The following SF3B2 variants were observed in gnomAD, a reference collection of about 807,000 sequenced individuals.
The protein encoded by SF3B2 is SAP 145.
In SF3B2, 22 loss-of-function variants were observed where a neutral mutation model predicts 116.3. The ratio of observed to expected loss-of-function variants is 0.19; its 90% CI spans 0.14 to 0.27. The LOEUF is 0.27. Ranked by LOEUF, SF3B2 falls within the 10% of genes least tolerant of loss-of-function variation. SF3B2 has a pLI of 1.00. For missense variants in SF3B2, 767 were observed against 1,151.4 expected, an observed-to-expected ratio of 0.67 and a Z score of 4.83; for synonymous variants, 406 against 421.6, an observed-to-expected ratio of 0.96 and a Z score of 0.45.
chr11:66,063,452 C>A lies in SF3B2; in HGVS notation c.2138C>A (p.Pro713Gln). The change falls in exon 18 of 22, where the codon CCA becomes CAA. Residue 713 changes from proline to glutamine, a missense_variant. Pro to Gln is a moderately conservative substitution (Grantham distance 76). Transcript: ENST00000322535. Reference sequence around the variant, plus strand: ...CGGACCCCTTGGGGGGAACTGGAACCATCTGATGAAGAATCCTCAGAAGAA... The same window carrying A: ...CGGACCCCTTGGGGGGAACTGGAACAATCTGATGAAGAATCCTCAGAAGAA... Reference protein sequence around the residue: ...IDRTPWGELEPSDEESSEEEE... With the variant: ...IDRTPWGELEQSDEESSEEEE... 6.2e-7 allele frequency: 1 copy of A among 1,614,120 alleles called. No homozygotes were observed. The highest frequency in any genetic ancestry group is 2.2e-5 in the East Asian group (1 of 44,896).
Position 66,052,501 on chromosome 11 carries a change from C to T in SF3B2, c.117C>T (p.Ile39=), listed in dbSNP as rs1442793941. ...AGCTTCAGGCCAAGTTGGCAGAGAT[C>T]GGAGCTCCGATCCAGGGTGAGGAAC... ...AQELQAKLAE[I]GAPIQGNREE... Residue 39 remains isoleucine (I), a synonymous_variant, in exon 1 of 22, where the codon ATC becomes ATT. Transcript: ENST00000322535. 5 of 1,613,554 alleles carry T rather than the reference C, an allele frequency of 3.1e-6. No homozygotes were observed. The highest frequency in any genetic ancestry group is 1.1e-5 in the South Asian group (1 of 91,064).
Position 66,059,187 on chromosome 11 carries a change from G to T in SF3B2, c.1183-14G>T. On this transcript the variant is annotated splice_polypyrimidine_tract_variant and intron_variant, in intron 10 of 21. Coordinates refer to ENST00000322535, the MANE Select transcript of SF3B2 (RefSeq NM_006842.3). The surrounding 1 kb of genome is among the most constrained non-coding windows in gnomAD (Gnocchi z 5.0). ...GCTCAGAGGGCAGGGGTTTCACCTT[G>T]TCTGCCTCCTTAGCTCACTGATGAT... 6.2e-7 allele frequency: 1 copy of T among 1,614,096 alleles called. No homozygotes were observed. Among genetic ancestry groups the T allele is most frequent in the South Asian group, 1.1e-5 (1 of 91,082 alleles).
chr11:66,052,405 G>C lies in SF3B2; in HGVS notation c.21G>C (p.Glu7Asp), dbSNP rs750805181. MATEHP[E>D]PPKAELQLPP... ...CTAAGATGGCGACGGAGCATCCCGA[G>C]CCTCCCAAAGCAGAATTGCAGCTGC... The change falls in exon 1 of 22, where the codon GAG becomes GAC. Residue 7 changes from glutamate to aspartate, a missense_variant. Transcript: ENST00000322535. 6.2e-7 allele frequency: 1 copy of C among 1,612,128 alleles called. No individual in the cohort carries two copies. Among genetic ancestry groups the C allele is most frequent in the South Asian group, 1.1e-5 (1 of 90,990 alleles).
chr11:66,052,908 G>T lies in SF3B2; in HGVS notation c.181-119G>T, dbSNP rs1856911616. 4.6e-5 allele frequency: 58 copies of T among 1,266,114 alleles called. No individual in the cohort carries two copies. In the South Asian group the frequency reaches 5.7e-4, roughly 12 times the overall value. The allele number at this position is 1,266,114 out of a possible 1,614,324, so 78.4% of individuals were successfully genotyped here. On this transcript the variant is annotated intron_variant, in intron 2 of 21. Coordinates refer to ENST00000322535, the MANE Select transcript of SF3B2 (RefSeq NM_006842.3). Reference sequence around the variant, plus strand: ...TGTATCCATCTTGGTCCTCTTCAGTGCCCAGCCAGAGCGCTGGCAGACAGG... The same window carrying T: ...TGTATCCATCTTGGTCCTCTTCAGTTCCCAGCCAGAGCGCTGGCAGACAGG...
At chr11:66,057,152 G>A (rs1302445541) in intron 6 of SF3B2, 114 bp from the exon 7 acceptor site, 5 of 883,052 alleles carry the variant, frequency 5.7e-6, no homozygotes, top group African/African-American at 3.3e-5. Context: ...CAAAAGCCAC[G>A]CCACGTGCCC....
rs957881657 is a variant in SF3B2 at position 66,052,504 on chromosome 11, A to C, written c.120A>C (p.Gly40=). ...QELQAKLAEI[G]APIQGNREEL... is the part of the protein sequence containing the mutation. ...TTCAGGCCAAGTTGGCAGAGATCGG[A>C]GCTCCGATCCAGGGTGAGGAACACA... Residue 40 remains glycine (G), a synonymous_variant, in exon 1 of 22, where the codon GGA becomes GGC. Transcript: ENST00000322535. The C allele has an allele frequency of 5.6e-6, 9 of 1,613,436 alleles. No individual in the cohort carries two copies. The highest frequency in any genetic ancestry group is 7.6e-6 in the Non-Finnish European group (9 of 1,179,622).
Position 66,052,442 on chromosome 11 carries a change from C to T in SF3B2, c.58C>T (p.Pro20Ser). The change falls in exon 1 of 22, where the codon CCT (proline) becomes TCT (serine). Residue 20 changes from proline (P) to serine (S), a missense_variant. By Grantham distance (74) the Pro-to-Ser change is moderately conservative (BLOSUM62 -1). Around this residue, in one of 4 missense-constraint regions of SF3B2, gnomAD observed 455 missense variants for 537.5 expected, o/e 0.85. Coordinates refer to ENST00000322535, the MANE Select transcript of SF3B2 (RefSeq NM_006842.3). ...AGAATTGCAGCTGCCGCCGCCGCCA[C>T]CTCCAGGCCACTATGGCGCCTGGGC... The part of the protein sequence containing the change: ...KAELQLPPPP[P>S]PGHYGAWAAQ... The T allele has an allele frequency of 1.9e-5, 30 of 1,613,626 alleles. No homozygotes were observed. Among genetic ancestry groups the T allele is most frequent in the Non-Finnish European group, 2.5e-5 (29 of 1,179,918 alleles).
chr11:66,053,401 G>A (rs985451985), intron 3 of SF3B2: 10 of 428,794 alleles, frequency 2.3e-5, no homozygotes, highest in South Asian at 2.2e-4. Context: ...GCTTGTGGCC[G>A]GGTGCAGTGG....
chr11:66,067,529 C>G (rs1232145194), intron 19 of SF3B2: 2 of 456,730 alleles, frequency 4.4e-6, no homozygotes, highest in Admixed American at 4.7e-5. Flanking sequence ...ATGGCTCTTG[C>G]GTTGGAAGGC....
chr11:66,064,052 A>G (rs796602750), intron 19 of SF3B2, among the ~76,000 whole-genome samples: 1 of 152,240 alleles, frequency 6.6e-6, no homozygotes, highest in Non-Finnish European at 1.5e-5. Context: ...CCACAGGATC[A>G]TCTGGGTCAG....
chr11:66,066,676 G>A (rs1773729254), intron 19 of SF3B2: 1 of 152,250 alleles, frequency 6.6e-6, no homozygotes, highest in African/African-American at 2.4e-5. Flanking sequence ...TGTGAATCAG[G>A]AGGTTTTTCC....
Position 66,061,878 on chromosome 11 carries a change from C to G in SF3B2, c.1870-13C>G, listed in dbSNP as rs766994670. ...GGTTTGGCAGATGGTATCCTGTTCT[C>G]TTTTTCCTGCAGAATGCCCACAAGG... On this transcript the variant is annotated splice_polypyrimidine_tract_variant and intron_variant, in intron 15 of 21. Coordinates refer to ENST00000322535, the MANE Select transcript of SF3B2 (RefSeq NM_006842.3). 59 of 1,611,388 alleles carry G rather than the reference C, an allele frequency of 3.7e-5. No homozygotes were observed. The highest frequency in any genetic ancestry group is 5.0e-5 in the Non-Finnish European group (59 of 1,177,850).
At chr11:66,062,885 C>A in intron 16 of SF3B2, 124 bp from the exon 17 acceptor site, 1 of 525,368 alleles carries the variant, frequency 1.9e-6, no homozygotes, top group Non-Finnish European at 3.3e-6. Context: ...TGATTTAATT[C>A]TGCAGTCATA....
In SF3B2 at chr11:66,063,127, T is replaced by C. The variant is rs1007867195; in HGVS notation, c.2085+11T>C. The C allele has an allele frequency of 6.3e-7, 1 of 1,585,068 alleles. No individual in the cohort carries two copies. Among genetic ancestry groups the C allele is most frequent in the Non-Finnish European group, 8.6e-7 (1 of 1,156,258 alleles). ...GCTGCTGAATTTCAGGTATGGGCCATGTACTAGCGATCTTGGTTTTACTTA... is the reference window on the plus strand; with the variant it reads ...GCTGCTGAATTTCAGGTATGGGCCACGTACTAGCGATCTTGGTTTTACTTA... On this transcript the variant is annotated intron_variant, in intron 17 of 21. Transcript: ENST00000322535.
intron 2 of SF3B2, 121 bp from the exon 3 acceptor site, chr11:66,052,906 G>A: frequency 7.9e-7 from 1 of 1,263,924 alleles, no homozygotes; most frequent in Non-Finnish European, 1.2e-6. Flanking sequence ...GTCCTCTTCA[G>A]TGCCCAGCCA....
intron 21 of SF3B2, 95 bp downstream of exon 21, chr11:66,068,428 G>C (rs1038769309): frequency 1.4e-5 from 18 of 1,283,070 alleles, no homozygotes; most frequent in Middle Eastern, 5.4e-4. Context: ...GAGAGTGAGG[G>C]TGGCCTCTGC....
chr11:66,056,686 C>G, intron 5 of SF3B2, 152 bp from the exon 6 acceptor site: 1 of 624,802 alleles, frequency 1.6e-6, no homozygotes, highest in Non-Finnish European at 2.9e-6. Context: ...GGATTAGTAG[C>G]CTGGAAGTGT....
chr11:66,064,708 G>A (rs1425946768), intron 19 of SF3B2: 1 of 152,190 alleles, frequency 6.6e-6, no homozygotes, highest in Non-Finnish European at 1.5e-5. Context: ...GGTGGCTTAA[G>A]CCTGTAATCT....
chr11:66,061,512 G>A (rs1490070210), intron 14 of SF3B2, among the ~76,000 whole-genome samples, 174 bp from the exon 15 acceptor site: 7 of 152,226 alleles, frequency 4.6e-5, no homozygotes, highest in African/African-American at 7.2e-5. Context: ...TGACAGCACT[G>A]TGAGTCTGGC....
Sources: allele counts gnomAD v4.1 joint callset (sites outside exome capture counted in the v4.1 genomes callset), GRCh38; gene constraint gnomAD v4.1.1; regional missense constraint gnomAD v4.1.1; non-coding constraint Gnocchi (gnomAD v3.1); transcripts MANE v1.5; gene names NCBI Gene and HGNC (gene_info 2026-07-23, HGNC 2026-07-21).